RGS12: variants seen among roughly 807,000 people sequenced by gnomAD.
RGS12 encodes the protein regulator of G-protein signaling 12.
A neutral mutation model predicts 120.1 loss-of-function variants in RGS12; 66 were observed. That is an observed-to-expected ratio of 0.55 (90% confidence interval 0.45 to 0.67). The LOEUF is 0.67. Ranked by LOEUF, RGS12 falls within the 30% of genes least tolerant of loss-of-function variation. The pLI, the probability that RGS12 is intolerant of heterozygous loss-of-function variation, is 0.00. For missense variants in RGS12, 1,859 were observed against 1,957.7 expected, an observed-to-expected ratio of 0.95 and a Z score of 0.95; for synonymous variants, 827 against 804.7, an observed-to-expected ratio of 1.03 and a Z score of -0.47.
chr4:3,363,180 AGT>A lies in RGS12; in HGVS notation c.1998+20131_1998+20132del, dbSNP rs560108940. 1.6e-3 allele frequency among the ~76,000 whole-genome samples: 238 copies of A among 151,382 alleles called. 2 individuals carry two copies. The highest frequency in any genetic ancestry group is 5.5e-3 in the African/African-American group (226 of 41,164). On this transcript the variant is annotated intron_variant, in intron 3 of 17. Transcript: ENST00000336727. ...GCGTGTGTGTGAGTGTGCGTCAGTG[AGT>A]GTGCATGGCAAGGCTGTTTGGAACT...
At chr4:3,432,408 G>T (rs1335575325) in intron 17 of RGS12, among the ~76,000 whole-genome samples, 1 of 152,240 alleles carries the variant, frequency 6.6e-6, no homozygotes, top group Non-Finnish European at 1.5e-5. Context: ...TGGCCCGGTG[G>T]CGGGTGCTGA....
At chr4:3,315,935 A>G (rs989161285) in intron 1 of RGS12, 135 bp from the exon 2 acceptor site, 4 of 411,380 alleles carry the variant, frequency 9.7e-6, no homozygotes, top group Non-Finnish European at 1.3e-5. Context: ...TTGAAGATTT[A>G]TTATCTATAG....
intron 3 of RGS12, among the ~76,000 whole-genome samples, chr4:3,345,721 C>G (rs1015026020): frequency 1.3e-5 from 2 of 152,140 alleles, no homozygotes; most frequent in African/African-American, 4.8e-5. Context: ...TGTACTTCTG[C>G]AGAGACTTAA....
In RGS12 at chr4:3,330,271, A is replaced by T. The variant is rs112470607; in HGVS notation, c.1881+12220A>T. The stretch of plus-strand genomic sequence containing the variant: ...ACTGTGAGCAATCCTAGACACACCA[A>T]GTACATCCCGCTGAAGGCATTCCAC... On this transcript the variant is annotated intron_variant, in intron 2 of 17. Transcript: ENST00000336727. 1.5e-4 allele frequency among the ~76,000 whole-genome samples: 23 copies of T among 152,324 alleles called. 1 individual carries two copies. Among genetic ancestry groups the T allele is most frequent in the African/African-American group, 5.3e-4 (22 of 41,574 alleles).
intron 1 of RGS12, among the ~76,000 whole-genome samples, chr4:3,308,080 A>G (rs1450211024): frequency 1.3e-5 from 2 of 152,222 alleles, no homozygotes. Flanking sequence ...CCATGCGGTC[A>G]GGTGTGCGGG....
chr4:3,428,116 C>T lies in RGS12; in HGVS notation c.3358C>T (p.Pro1120Ser). 6.2e-7 allele frequency: 1 copy of T among 1,613,638 alleles called. No individual in the cohort carries two copies. The highest frequency in any genetic ancestry group is 8.5e-7 in the Non-Finnish European group (1 of 1,179,756). ...KASADKQKGV[P>S]VKQNTAVNSS... ...ATCCGCAGATAAACAGAAAGGTGTG[C>T]CAGTGAAACAGAACACAGCTGTAAA... Residue 1120 changes from proline to serine, a missense_variant, in exon 15 of 18, where the codon CCA becomes TCA. This residue lies in a region of RGS12 where 517 missense variants were observed against 488.5 expected (regional missense o/e 1.06). Transcript: ENST00000336727.
At chr4:3,362,880 T>C (rs200493583) in intron 3 of RGS12, among the ~76,000 whole-genome samples, 3 of 146,770 alleles carry the variant, frequency 2.0e-5, no homozygotes, top group African/African-American at 7.7e-5. Flanking sequence ...TGTGTGTGTG[T>C]GAGAGCATGT....
chr4:3,424,840 AG>A (rs1434576196), intron 13 of RGS12, among the ~76,000 whole-genome samples: 10 of 152,228 alleles, frequency 6.6e-5, no homozygotes, highest in African/African-American at 2.4e-4. Flanking sequence ...CTTCCCCCGC[AG>A]GGCCCACCAC....
intron 17 of RGS12, among the ~76,000 whole-genome samples, chr4:3,436,080 C>A (rs917183932): frequency 6.6e-6 from 1 of 152,222 alleles, no homozygotes; most frequent in African/African-American, 2.4e-5. Flanking sequence ...CAGCCCATCA[C>A]ACACAGTCAT....
At chr4:3,356,049 AAT>A (rs1714861381) in intron 3 of RGS12, among the ~76,000 whole-genome samples, 1 of 128,464 alleles carries the variant, frequency 7.8e-6, no homozygotes, top group Admixed American at 8.0e-5. Flanking sequence ...TATCTTTTTC[AAT>A]TTTTTTTTTT....
intron 3 of RGS12, among the ~76,000 whole-genome samples, chr4:3,383,077 A>G (rs1453797843): frequency 6.6e-6 from 1 of 152,048 alleles, no homozygotes; most frequent in Non-Finnish European, 1.5e-5. Flanking sequence ...AAGGATTTGC[A>G]TTAATATATG....
intron 1 of RGS12, among the ~76,000 whole-genome samples, chr4:3,300,615 C>T (rs1398761088): frequency 6.6e-6 from 1 of 152,218 alleles, no homozygotes; most frequent in Non-Finnish European, 1.5e-5. Flanking sequence ...TGTGGCAGAG[C>T]TGTGACCCCT....
intron 4 of RGS12, chr4:3,412,984 C>T (rs1480666966): frequency 2.0e-5 from 3 of 148,706 alleles, no homozygotes; most frequent in East Asian, 2.1e-4. Flanking sequence ...TCAGGAGGGA[C>T]GGGGGCGCCC....
chr4:3,305,488 C>T (rs1723922156), intron 1 of RGS12, among the ~76,000 whole-genome samples: 1 of 152,234 alleles, frequency 6.6e-6, no homozygotes, highest in Admixed American at 6.5e-5. Context: ...GGCTGAGATG[C>T]AGCTCCTGGG....
At chr4:3,336,284 G>A (rs1191733149) in intron 2 of RGS12, among the ~76,000 whole-genome samples, 1 of 152,164 alleles carries the variant, frequency 6.6e-6, no homozygotes, top group Non-Finnish European at 1.5e-5. Flanking sequence ...GCTACTCCAT[G>A]GCATCTCAGA....
chr4:3,360,868 A>C (rs1426498967), intron 3 of RGS12, among the ~76,000 whole-genome samples: 1 of 152,208 alleles, frequency 6.6e-6, no homozygotes, highest in Non-Finnish European at 1.5e-5. Flanking sequence ...CACAGTGGGC[A>C]AGGGATTTGA....
At chr4:3,310,985 G>T (rs999480830) in intron 1 of RGS12, among the ~76,000 whole-genome samples, 2 of 152,214 alleles carry the variant, frequency 1.3e-5, no homozygotes, top group African/African-American at 4.8e-5. Flanking sequence ...TCATCTGCAC[G>T]CGAGAATTGT....
At chr4:3,312,662 G>A (rs1418766586) in intron 1 of RGS12, 1 of 229,850 alleles carries the variant, frequency 4.4e-6, no homozygotes, top group Non-Finnish European at 9.9e-6. Context: ...CTGGCCAGGA[G>A]AGAGAGGAAG....
intron 17 of RGS12, among the ~76,000 whole-genome samples, chr4:3,434,065 A>G (rs1167523476): frequency 2.0e-5 from 3 of 152,230 alleles, no homozygotes; most frequent in African/African-American, 4.8e-5. Flanking sequence ...TCATGTTGCT[A>G]TGAAGAAATA....
Sources: allele counts gnomAD v4.1 joint callset (sites outside exome capture counted in the v4.1 genomes callset), GRCh38; gene constraint gnomAD v4.1.1; regional missense constraint gnomAD v4.1.1; transcripts MANE v1.5; gene names NCBI Gene and HGNC (gene_info 2026-07-23, HGNC 2026-07-21).